The following ADAM22 variants were observed in gnomAD, a reference collection of about 807,000 sequenced individuals.
ADAM22 encodes disintegrin and metalloproteinase domain-containing protein 22.
ADAM22 carries 65 observed loss-of-function variants against 144.6 expected under a neutral mutation model. That is an observed-to-expected ratio of 0.45 (90% CI 0.37 to 0.55). The LOEUF (loss-of-function observed/expected upper bound fraction) is 0.55. Ranked by LOEUF, ADAM22 falls within the 20% of genes least tolerant of loss-of-function variation. The probability of loss-of-function intolerance (pLI) is 0.00; values close to 1 mark genes in which losing one functional copy is unlikely to be tolerated. For missense variants in ADAM22, 974 were observed against 1,184.9 expected, an observed-to-expected ratio of 0.82 and a Z score of 2.61; for synonymous variants, 391 against 412.6, an observed-to-expected ratio of 0.95 and a Z score of 0.63.
chr7:88,126,992 A>G (rs1473835577), intron 8 of ADAM22, among the ~76,000 whole-genome samples: 1 of 151,880 alleles, frequency 6.6e-6, no homozygotes, highest in Admixed American at 6.6e-5. Flanking sequence ...CATATACGCC[A>G]TATATTGCCT....
intron 3 of ADAM22, among the ~76,000 whole-genome samples, chr7:88,037,388 C>A (rs1729447186): frequency 6.6e-6 from 1 of 151,902 alleles, no homozygotes; most frequent in Admixed American, 6.6e-5. Context: ...AAATTATCTC[C>A]ATTTTTTCTG....
intron 3 of ADAM22, among the ~76,000 whole-genome samples, chr7:88,012,821 C>G (rs1795737669): frequency 6.6e-6 from 1 of 152,210 alleles, no homozygotes; most frequent in Non-Finnish European, 1.5e-5. Context: ...GACTAGAAGG[C>G]TAGAGGAGTC....
intron 4 of ADAM22, among the ~76,000 whole-genome samples, chr7:88,082,737 A>G (rs1422311089): frequency 6.6e-6 from 1 of 152,200 alleles, no homozygotes; most frequent in African/African-American, 2.4e-5. Flanking sequence ...ACATGAAAAA[A>G]TGCTCACCAT....
Position 88,114,010 on chromosome 7 carries a change from T to C in ADAM22, c.474-574T>C, listed in dbSNP as rs533296784. ...CTTTGGGTTTCAGTTTCCTTACTTA[T>C]AAAATAAGGATAGTCGTTGTACTTC... is the stretch of plus-strand genomic sequence containing the variant. On this transcript the variant is annotated intron_variant, in intron 5 of 31. Transcript: ENST00000413139. 5.3e-5 allele frequency among the ~76,000 whole-genome samples: 8 copies of C among 152,080 alleles called. No individual in the cohort carries two copies. The South Asian group carries it at 1.5e-3, about 28-fold the overall frequency.
At chr7:88,016,917 A>T (rs1253833441) in intron 3 of ADAM22, among the ~76,000 whole-genome samples, 2 of 152,138 alleles carry the variant, frequency 1.3e-5, no homozygotes, top group African/African-American at 2.4e-5. Context: ...CAGGAGTTCA[A>T]CACCAGCCTG....
At chr7:88,126,600 G>A (rs1247437497) in intron 8 of ADAM22, among the ~76,000 whole-genome samples, 1 of 151,884 alleles carries the variant, frequency 6.6e-6, no homozygotes, top group African/African-American at 2.4e-5. Flanking sequence ...ATTATCACAG[G>A]TTAAGTATCC....
chr7:87,934,472 G>A lies in ADAM22; in HGVS notation c.7G>A (p.Ala3Thr), dbSNP rs1158995344. 1.3e-6 allele frequency: 2 copies of A among 1,599,772 alleles called. No homozygotes were observed. The highest frequency in any genetic ancestry group is 1.7e-6 in the Non-Finnish European group (2 of 1,176,566). ...GCGGGCTGACGGCAGCACCATGCAG[G>A]CGGCAGTGGCTGTGTCCGTGCCCTT... is the stretch of plus-strand genomic sequence containing the variant. Reference protein sequence around the residue: MQAAVAVSVPFLL... With the variant: MQTAVAVSVPFLL... The change falls in exon 1 of 32, where the codon GCG becomes ACG. Residue 3 changes from alanine (A) to threonine (T), a missense_variant. Ala to Thr is a moderately conservative substitution (Grantham distance 58). This residue lies in a region of ADAM22 where 240 missense variants were observed against 234.3 expected (regional missense o/e 1.02). Coordinates refer to ENST00000413139, the MANE Select transcript of ADAM22 (RefSeq NM_001324418.2).
At chr7:88,143,210 C>A (rs1466980574) in intron 15 of ADAM22, 85 bp downstream of exon 15, 3 of 947,778 alleles carry the variant, frequency 3.2e-6, no homozygotes, top group South Asian at 3.2e-5. Flanking sequence ...GCTATTGAAT[C>A]TTAGAGAGCT....
intron 4 of ADAM22, among the ~76,000 whole-genome samples, chr7:88,085,311 T>G (rs956540413): frequency 6.6e-6 from 1 of 152,178 alleles, no homozygotes; most frequent in African/African-American, 2.4e-5. Flanking sequence ...GGATGCAAAT[T>G]TAAAATTAAA....
chr7:88,157,581 A>G (rs1342010895), intron 22 of ADAM22, among the ~76,000 whole-genome samples: 3 of 152,086 alleles, frequency 2.0e-5, no homozygotes, highest in Non-Finnish European at 4.4e-5. Context: ...AGAAAGAGAA[A>G]GACAGGGAAT....
chr7:87,989,595 A>T (rs1789299048), intron 3 of ADAM22, among the ~76,000 whole-genome samples: 1 of 152,158 alleles, frequency 6.6e-6, no homozygotes, highest in African/African-American at 2.4e-5. Flanking sequence ...TATTATTAAC[A>T]CTGTTGTCAG....
intron 3 of ADAM22, among the ~76,000 whole-genome samples, chr7:88,056,988 A>G (rs1451362541): frequency 1.3e-5 from 2 of 152,220 alleles, no homozygotes; most frequent in African/African-American, 4.8e-5. Context: ...TATACAGCCA[A>G]GTGAGTTATC....
chr7:88,060,164 C>T (rs117567440), intron 3 of ADAM22, among the ~76,000 whole-genome samples: 612 of 152,216 alleles, frequency 4.0e-3, no homozygotes, highest in Non-Finnish European at 6.3e-3. Flanking sequence ...TTTTGCCACT[C>T]GGGGGTCTTG....
chr7:88,188,703 C>T (rs919726028), intron 30 of ADAM22, among the ~76,000 whole-genome samples: 1 of 152,224 alleles, frequency 6.6e-6, no homozygotes, highest in African/African-American at 2.4e-5. Context: ...TTCATCCACC[C>T]TCTGTGCAAG....
intron 2 of ADAM22, among the ~76,000 whole-genome samples, chr7:87,948,146 G>A (rs962359193): frequency 6.6e-6 from 1 of 151,468 alleles, no homozygotes; most frequent in Admixed American, 6.6e-5. Flanking sequence ...TTTCTCATTC[G>A]GTATGACCCT....
chr7:88,101,797 C>G (rs183097011), intron 4 of ADAM22, among the ~76,000 whole-genome samples: 1 of 152,264 alleles, frequency 6.6e-6, no homozygotes, highest in Non-Finnish European at 1.5e-5. Flanking sequence ...GAATCAGAAA[C>G]AGGAGTAGTG....
chr7:88,201,094 A>G lies in ADAM22; in HGVS notation c.*4603A>G, dbSNP rs541318464. 1 of 152,378 alleles carries G rather than the reference A, an allele frequency of 6.6e-6. No homozygotes were observed. The highest frequency in any genetic ancestry group is 2.1e-4 in the South Asian group (1 of 4,828). 9.4% of individuals were successfully genotyped at this position (152,378 alleles called of 1,614,324 possible). On this transcript the variant is annotated 3_prime_UTR_variant, in exon 32 of 32. Transcript: ENST00000413139. ...TGCGGATGCAGAACAAAGATGCAGC[A>G]GGACTTTAGAAAACAGGAGTGTTTC...
chr7:87,956,770 T>C (rs577597677), intron 2 of ADAM22, among the ~76,000 whole-genome samples: 27 of 152,348 alleles, frequency 1.8e-4, no homozygotes, highest in Admixed American at 1.6e-3. Flanking sequence ...TTGTAGCATG[T>C]ATCAGTATTT....
chr7:87,934,649 T>C, intron 1 of ADAM22, 99 bp downstream of exon 1: 1 of 1,019,376 alleles, frequency 9.8e-7, no homozygotes, highest in Non-Finnish European at 1.3e-6. Flanking sequence ...ATTTCCCGAG[T>C]GCGCGGGGAG....
Sources: allele counts gnomAD v4.1 joint callset (sites outside exome capture counted in the v4.1 genomes callset), GRCh38; gene constraint gnomAD v4.1.1; regional missense constraint gnomAD v4.1.1; transcripts MANE v1.5; gene names NCBI Gene and HGNC (gene_info 2026-07-23, HGNC 2026-07-21).